SGCZ: variants seen among roughly 807,000 people sequenced by gnomAD.
SGCZ encodes the protein sarcoglycan zeta.
A neutral mutation model predicts 41.3 loss-of-function variants in SGCZ; 40 were observed. That is an observed-to-expected ratio of 0.97 (90% CI 0.75 to 1.26). SGCZ has a LOEUF of 1.26. SGCZ is among the 50% of genes most tolerant of loss of function. The pLI, the probability that SGCZ is intolerant of heterozygous loss-of-function variation, is 0.00. For synonymous variants in SGCZ, 206 were observed against 137.5 expected (o/e 1.50, Z -3.49); for missense variants, 552 against 369.8 (o/e 1.49, Z -4.04).
chr8:14,091,401 G>T (rs1255623475), intron 7 of SGCZ, among the ~76,000 whole-genome samples: 1 of 151,986 alleles, frequency 6.6e-6, no homozygotes, highest in Admixed American at 6.6e-5. Flanking sequence ...AGATCCATGA[G>T]GAATGTCTTC....
At chr8:14,544,173 G>T (rs1200554756) in intron 2 of SGCZ, among the ~76,000 whole-genome samples, 1 of 152,054 alleles carries the variant, frequency 6.6e-6, no homozygotes. Flanking sequence ...TCTTAATATG[G>T]ACATTTATCA....
chr8:14,297,066 C>T (rs11774187), intron 3 of SGCZ, among the ~76,000 whole-genome samples: 5,363 of 152,060 alleles, frequency 0.035, 117 homozygotes, highest in Middle Eastern at 0.092. Context: ...GGAGTACAGA[C>T]GCACACCAGC....
At chr8:14,640,649 GGT>G (rs3068698) in intron 1 of SGCZ, among the ~76,000 whole-genome samples, 13,495 of 149,910 alleles carry the variant, frequency 0.09, 739 homozygotes, top group Middle Eastern at 0.14. Context: ...TATATATAGG[GGT>G]GTGTGTGTGT....
intron 1 of SGCZ, among the ~76,000 whole-genome samples, chr8:14,863,052 T>G (rs1393416042): frequency 6.6e-6 from 1 of 152,104 alleles, no homozygotes; most frequent in Non-Finnish European, 1.5e-5. Flanking sequence ...ATTGAGAAGC[T>G]ACAAGGTGAG....
intron 1 of SGCZ, among the ~76,000 whole-genome samples, chr8:14,856,662 T>C (rs545364066): frequency 1.3e-5 from 2 of 152,048 alleles, no homozygotes; most frequent in African/African-American, 4.8e-5. Flanking sequence ...ATTGTTCCAA[T>C]AGGAAATAAT....
intron 1 of SGCZ, among the ~76,000 whole-genome samples, chr8:14,623,081 T>C (rs985889212): frequency 6.6e-6 from 1 of 152,120 alleles, no homozygotes; most frequent in African/African-American, 2.4e-5. Context: ...CCCTCATGGG[T>C]CTAATTAGAA....
chr8:14,715,376 G>A (rs571797984), intron 1 of SGCZ, among the ~76,000 whole-genome samples: 2 of 152,160 alleles, frequency 1.3e-5, no homozygotes, highest in East Asian at 3.9e-4. Flanking sequence ...AGGCCATAAA[G>A]AACAAAAAAG....
rs142046699 is a variant in SGCZ at position 15,014,476 on chromosome 8, G to C, written c.39+223109C>G. ...ATATCTTCCCTAAGCACCTAACAAA[G>C]AGTTACTTTATACCTTCACTTATTG... On this transcript the variant is annotated intron_variant, in intron 1 of 7. Coordinates refer to ENST00000382080, the MANE Select transcript of SGCZ (RefSeq NM_139167.4). Among the ~76,000 whole-genome samples the C allele has an allele frequency of 4.1e-3, 625 of 152,318 alleles. 6 individuals are homozygous for C. Among genetic ancestry groups the C allele is most frequent in the Middle Eastern group, 0.01 (3 of 294 alleles).
intron 1 of SGCZ, among the ~76,000 whole-genome samples, chr8:15,000,651 C>A (rs1332992922): frequency 6.6e-6 from 1 of 152,088 alleles, no homozygotes; most frequent in Non-Finnish European, 1.5e-5. Flanking sequence ...TGGCACCGCT[C>A]AACTGGAAAG....
At chr8:14,786,752 G>A (rs1393389510) in intron 1 of SGCZ, among the ~76,000 whole-genome samples, 1 of 150,930 alleles carries the variant, frequency 6.6e-6, no homozygotes, top group East Asian at 2.0e-4. Flanking sequence ...CAATGAATAT[G>A]TCATAAATTA....
At position 14,740,611 on chromosome 8, in the gene SGCZ, C is replaced by A. The variant is rs150127541; in HGVS notation, c.40-185685G>T. Among the ~76,000 whole-genome samples the A allele has an allele frequency of 4.9e-3, 738 of 152,164 alleles. 3 individuals are homozygous for A. The highest frequency in any genetic ancestry group is 0.019 in the East Asian group (96 of 5,168). On this transcript the variant is annotated intron_variant, in intron 1 of 7. Coordinates refer to ENST00000382080, the MANE Select transcript of SGCZ (RefSeq NM_139167.4). ...CACTAATTAAGAGCTGACATAGGCA[C>A]AACTCAGTTTCCTGAGGTGCCACAC... is the stretch of plus-strand genomic sequence containing the variant.
intron 1 of SGCZ, among the ~76,000 whole-genome samples, chr8:15,142,261 A>C (rs185895253): frequency 2.0e-5 from 3 of 152,304 alleles, no homozygotes; most frequent in East Asian, 3.9e-4. Context: ...ATGTTTAGGC[A>C]GGCACTGAGT....
intron 1 of SGCZ, among the ~76,000 whole-genome samples, chr8:14,617,947 T>C (rs1316084371): frequency 2.0e-5 from 3 of 152,012 alleles, no homozygotes; most frequent in Non-Finnish European, 4.4e-5. Context: ...AAGAGGCAGA[T>C]AAAATAGATA....
intron 1 of SGCZ, among the ~76,000 whole-genome samples, chr8:14,662,926 T>A (rs952757481): frequency 1.3e-5 from 2 of 152,158 alleles, no homozygotes; most frequent in East Asian, 1.9e-4. Context: ...AAGATAGAAA[T>A]GGGTTTCAGC....
rs565991087 is a variant in SGCZ, at chr8:14,486,784, A to C, written c.234+67948T>G. Among the ~76,000 whole-genome samples, 7 of 152,216 alleles carry C rather than the reference A, an allele frequency of 4.6e-5. No individual in the cohort carries two copies. The East Asian group carries it at 1.4e-3, about 29-fold the overall frequency. ...CATTCTCCAACCTCAGCCTCCCAAAATGCTGGGATTACAGGCATGAGCCAC... is the reference window on the plus strand; with the variant it reads ...CATTCTCCAACCTCAGCCTCCCAAACTGCTGGGATTACAGGCATGAGCCAC... On this transcript the variant is annotated intron_variant, in intron 2 of 7. Transcript: ENST00000382080.
Position 14,521,016 on chromosome 8 carries a change from A to T in SGCZ, c.234+33716T>A, listed in dbSNP as rs1261122910. On this transcript the variant is annotated intron_variant, in intron 2 of 7. Transcript: ENST00000382080. ...AATTTTTGTTTTGAAATTATTTTAG[A>T]TTCCCATGCAGTCATAAGATAAGAG... 2.0e-5 allele frequency among the ~76,000 whole-genome samples: 3 copies of T among 151,852 alleles called. No individual in the cohort carries two copies. In the East Asian group the frequency reaches 5.8e-4, roughly 29 times the overall value.
chr8:14,988,938 A>G (rs571999383), intron 1 of SGCZ, among the ~76,000 whole-genome samples: 1 of 152,310 alleles, frequency 6.6e-6, no homozygotes, highest in Non-Finnish European at 1.5e-5. Context: ...GAAGCCTGGA[A>G]AAATGAGTAA....
intron 2 of SGCZ, among the ~76,000 whole-genome samples, chr8:14,351,809 T>C (rs1411345358): frequency 6.6e-6 from 1 of 152,126 alleles, no homozygotes; most frequent in East Asian, 1.9e-4. Flanking sequence ...GGGTCTCTTT[T>C]CAGCTTTTGC....
intron 2 of SGCZ, among the ~76,000 whole-genome samples, chr8:14,554,166 C>A (rs1803959191): frequency 6.6e-6 from 1 of 151,996 alleles, no homozygotes; most frequent in African/African-American, 2.4e-5. Flanking sequence ...GCTGGTTTAT[C>A]TTCCATTTAC....
Sources: allele counts gnomAD v4.1 joint callset (sites outside exome capture counted in the v4.1 genomes callset), GRCh38; gene constraint gnomAD v4.1.1; transcripts MANE v1.5; gene names NCBI Gene and HGNC (gene_info 2026-07-23, HGNC 2026-07-21).